LMX1A: variants seen among roughly 807,000 people sequenced by gnomAD.
LMX1A encodes LIM homeobox transcription factor 1-alpha.
A neutral mutation model predicts 49.1 loss-of-function variants in LMX1A; 15 were observed. The observed-to-expected ratio is 0.31, with a 90% CI of 0.20 to 0.47. The LOEUF is 0.47. LMX1A is among the 20% of genes least tolerant of loss of function. The pLI, the probability that LMX1A is intolerant of heterozygous loss-of-function variation, is 1.00. For missense variants in LMX1A, 372 were observed against 475.8 expected, an observed-to-expected ratio of 0.78 and a Z score of 2.03; for synonymous variants, 167 against 185.7, an observed-to-expected ratio of 0.90 and a Z score of 0.82.
Position 165,205,938 on chromosome 1 carries a change from C to T in LMX1A, c.914G>A (p.Ser305Asn). The change falls in exon 8 of 9, where the codon AGT (serine) becomes AAT (asparagine). Residue 305 changes from serine (S) to asparagine (N), a missense_variant. Around this residue, in one of 3 missense-constraint regions of LMX1A, gnomAD observed 127 missense variants for 138.0 expected, o/e 0.92. Transcript: ENST00000342310. ...TCGGAAGGGATCTGAGCTGTAGACA[C>T]TCTGCTCGATGGCCAGGAGCTGCTG... ...TPQQLLAIEQ[S>N]VYSSDPFRQG... 3.7e-6 allele frequency: 6 copies of T among 1,614,036 alleles called. No homozygotes were observed. Among genetic ancestry groups the T allele is most frequent in the Non-Finnish European group, 5.1e-6 (6 of 1,179,992 alleles).
At chr1:165,221,779 C>T (rs1254047915) in intron 4 of LMX1A, among the ~76,000 whole-genome samples, 1 of 152,128 alleles carries the variant, frequency 6.6e-6, no homozygotes, top group Non-Finnish European at 1.5e-5. Flanking sequence ...TTGTGCTTGG[C>T]AGGTATTCAG....
At chr1:165,295,145 G>A (rs1225800109) in intron 3 of LMX1A, among the ~76,000 whole-genome samples, 1 of 152,008 alleles carries the variant, frequency 6.6e-6, no homozygotes, top group Non-Finnish European at 1.5e-5. Context: ...AACTGATGTT[G>A]GAAATGTGAA....
intron 3 of LMX1A, among the ~76,000 whole-genome samples, chr1:165,296,021 T>G (rs10753670): frequency 0.87 from 132,690 of 152,216 alleles, 57,900 homozygotes; most frequent in Middle Eastern, 0.92. Context: ...TTAGAGAACT[T>G]ATTAAAGATC....
chr1:165,300,659 G>A (rs1654751234), intron 3 of LMX1A, among the ~76,000 whole-genome samples: 1 of 152,252 alleles, frequency 6.6e-6, no homozygotes, highest in African/African-American at 2.4e-5. Context: ...ACAGCTCCCT[G>A]GATGCTTTGG....
chr1:165,354,802 G>A (rs1274832037), intron 2 of LMX1A, among the ~76,000 whole-genome samples: 1 of 152,210 alleles, frequency 6.6e-6, no homozygotes, highest in African/African-American at 2.4e-5. Context: ...AGAGTGGGTG[G>A]GGGAGCCGTA....
intron 3 of LMX1A, among the ~76,000 whole-genome samples, chr1:165,279,440 C>T (rs1414014099): frequency 6.6e-6 from 1 of 150,564 alleles, no homozygotes; most frequent in African/African-American, 2.5e-5. Context: ...ATTAATTTTC[C>T]CTACCACAAG....
chr1:165,217,373 C>T (rs1191911094), intron 4 of LMX1A, among the ~76,000 whole-genome samples: 1 of 152,148 alleles, frequency 6.6e-6, no homozygotes, highest in Non-Finnish European at 1.5e-5. Context: ...GCTGTGCCAT[C>T]GTGAACCAAC....
chr1:165,256,848 G>A lies in LMX1A; in HGVS notation c.264-7208C>T, dbSNP rs143636055. 1.2e-4 allele frequency among the ~76,000 whole-genome samples: 19 copies of A among 152,114 alleles called. No homozygotes were observed. The East Asian group carries it at 3.7e-3, about 29-fold the overall frequency. On this transcript the variant is annotated intron_variant, in intron 3 of 8. Coordinates refer to ENST00000342310, the MANE Select transcript of LMX1A (RefSeq NM_177398.4). The stretch of plus-strand genomic sequence containing the variant: ...CAAGTCTATGACAATCAACAAAGAA[G>A]CACTGAATTTCGGGATGCAACAGCA...
chr1:165,220,383 G>C (rs1253710019), intron 4 of LMX1A, among the ~76,000 whole-genome samples: 1 of 152,192 alleles, frequency 6.6e-6, no homozygotes, highest in Non-Finnish European at 1.5e-5. Context: ...AGAAAGCCCA[G>C]TGGGAAGAAG....
At chr1:165,346,849 GTTAA>G (rs1227521060) in intron 3 of LMX1A, among the ~76,000 whole-genome samples, 1 of 152,040 alleles carries the variant, frequency 6.6e-6, no homozygotes, top group East Asian at 1.9e-4. Context: ...TAATCCTCCC[GTTAA>G]TTAACACCAG....
intron 8 of LMX1A, among the ~76,000 whole-genome samples, chr1:165,204,844 G>A (rs1223025789): frequency 6.6e-6 from 1 of 152,222 alleles, no homozygotes; most frequent in Non-Finnish European, 1.5e-5. Flanking sequence ...TGGTACAGAT[G>A]TGACCTGTGC....
chr1:165,295,921 G>C (rs115871622), intron 3 of LMX1A, among the ~76,000 whole-genome samples: 1,655 of 152,276 alleles, frequency 0.011, 13 homozygotes, highest in Middle Eastern at 0.02. Context: ...TGCCATCCTG[G>C]ACTACAGGAG....
rs1480744668 is a variant in LMX1A at position 165,208,055 on chromosome 1, C to T, written c.817+8G>A. On this transcript the variant is annotated splice_region_variant and intron_variant, in intron 7 of 8. Coordinates refer to ENST00000342310, the MANE Select transcript of LMX1A (RefSeq NM_177398.4). ...GCCAGAACTGCCTGGGAGGAGGCAC[C>T]AGCTTACCAGAGCTCAGCCTCTGGG... is the stretch of plus-strand genomic sequence containing the variant. 6.2e-7 allele frequency: 1 copy of T among 1,613,238 alleles called. No individual in the cohort carries two copies. Among genetic ancestry groups the T allele is most frequent in the Admixed American group, 1.7e-5 (1 of 59,968 alleles).
chr1:165,207,748 C>T lies in LMX1A; in HGVS notation c.817+315G>A, dbSNP rs1651150840. On this transcript the variant is annotated intron_variant, in intron 7 of 8. Transcript: ENST00000342310. ...CAATTAGCCTGGAAGGAGAACTAAG[C>T]AAGATGAGAAACTGAACGTATCTGT... 5 of 334,916 alleles carry T rather than the reference C, an allele frequency of 1.5e-5. No homozygotes were observed. The South Asian group carries it at 7.2e-4, about 48-fold the overall frequency. 20.7% of individuals were successfully genotyped at this position (334,916 alleles called of 1,614,324 possible).
chr1:165,244,860 CAA>C (rs5778436), intron 4 of LMX1A, among the ~76,000 whole-genome samples: 58,105 of 150,336 alleles, frequency 0.39, 11,764 homozygotes, highest in African/African-American at 0.51. Context: ...TGCCCAGTGT[CAA>C]AAAAAAAAAA....
intron 4 of LMX1A, among the ~76,000 whole-genome samples, chr1:165,233,003 T>C (rs754891594): frequency 3.3e-5 from 5 of 152,170 alleles, no homozygotes; most frequent in Non-Finnish European, 1.5e-5. Context: ...CCAATACTTA[T>C]GTATATAATG....
intron 3 of LMX1A, among the ~76,000 whole-genome samples, chr1:165,302,683 A>C (rs1223383358): frequency 6.6e-6 from 1 of 152,202 alleles, no homozygotes; most frequent in Non-Finnish European, 1.5e-5. Flanking sequence ...GACGAATGAC[A>C]CAGCACTACC....
chr1:165,292,811 A>G (rs1654511923), intron 3 of LMX1A, among the ~76,000 whole-genome samples: 1 of 152,020 alleles, frequency 6.6e-6, no homozygotes, highest in Admixed American at 6.5e-5. Flanking sequence ...TGTCACATTC[A>G]TTGTCTTCAT....
chr1:165,313,491 T>TGTTGC lies in LMX1A; in HGVS notation c.263+39584_263+39585insGCAAC, dbSNP rs1491545747. The stretch of plus-strand genomic sequence containing the variant: ...TCTTCCTTTTTTTTTTTTTTTTTTT[T>TGTTGC]TGTTGTTGTTGTTGTTATTGGGGTC... On this transcript the variant is annotated intron_variant, in intron 3 of 8. Coordinates refer to ENST00000342310, the MANE Select transcript of LMX1A (RefSeq NM_177398.4). 1.3e-4 allele frequency among the ~76,000 whole-genome samples: 18 copies of TGTTGC among 141,024 alleles called. 1 individual carries two copies. The highest frequency in any genetic ancestry group is 2.5e-4 in the Non-Finnish European group (16 of 63,432). 92.5% of individuals were successfully genotyped at this position (141,024 alleles called of 152,430 possible). A position where few individuals can be genotyped will look rare whatever the true frequency, so the allele number is the denominator to read the frequency against.
Sources: gnomAD v4.1 joint callset for allele counts (sites outside exome capture counted in the v4.1 genomes callset) on GRCh38, gnomAD v4.1.1 for gene constraint, gnomAD v4.1.1 regional missense constraint, MANE v1.5 for transcripts, NCBI Gene and HGNC (gene_info 2026-07-23, HGNC 2026-07-21) for gene names.